The following ZNF350 variants were observed in gnomAD, a reference collection of about 807,000 sequenced individuals.
ZNF350 encodes zinc finger protein 350, also known as KRAB zinc finger protein ZFQR.
In ZNF350, 5 loss-of-function variants were observed where a neutral mutation model predicts 13.1. The observed-to-expected ratio is 0.38, with a 90% CI of 0.20 to 0.80. The LOEUF is 0.80. ZNF350 is among the 30% of genes least tolerant of loss of function. ZNF350 has a pLI of 0.43. For synonymous variants in ZNF350, 199 were observed against 224.2 expected (o/e 0.89, Z 1.00); for missense variants, 534 against 644.2 (o/e 0.83, Z 1.85).
At chr19:51,983,666 A>G (rs1040295181) in intron 1 of ZNF350, among the ~76,000 whole-genome samples, 1 of 152,160 alleles carries the variant, frequency 6.6e-6, no homozygotes, top group Non-Finnish European at 1.5e-5. Flanking sequence ...TATTTATAAC[A>G]CAGAGTCCTT....
intron 1 of ZNF350, among the ~76,000 whole-genome samples, chr19:51,977,545 C>T (rs2085928123): frequency 6.6e-6 from 1 of 152,200 alleles, no homozygotes. Context: ...TGCTGCTTAT[C>T]AGCAGTGTAC....
rs1021727479 is a variant in ZNF350 at position 51,986,806 on chromosome 19, G to T, written c.-208C>A. 6.6e-6 allele frequency: 1 copy of T among 152,186 alleles called. No individual in the cohort carries two copies. Among genetic ancestry groups the T allele is most frequent in the Non-Finnish European group, 1.5e-5 (1 of 68,104 alleles). The allele number at this position is 152,186 out of a possible 1,614,324, so 9.4% of individuals were successfully genotyped here. A position where few individuals can be genotyped will look rare whatever the true frequency, so the allele number is the denominator to read the frequency against. ...CCAGATACACAAGAAGGGCCTCAAC[G>T]TTACACTTCCGTAAACTGCTCCTAC... On this transcript the variant is annotated 5_prime_UTR_variant, in exon 1 of 5. Coordinates refer to ENST00000243644, the MANE Select transcript of ZNF350 (RefSeq NM_021632.4).
chr19:51,966,327 A>G, intron 4 of ZNF350, 113 bp from the exon 5 acceptor site: 2 of 1,118,784 alleles, frequency 1.8e-6, no homozygotes, highest in Admixed American at 3.1e-5. Context: ...TCCGTTGTCC[A>G]GGCTGGAGTG....
intron 2 of ZNF350, among the ~76,000 whole-genome samples, chr19:51,972,736 C>T (rs1280683167): frequency 5.3e-5 from 8 of 151,990 alleles, no homozygotes; most frequent in Non-Finnish European, 1.5e-5. Flanking sequence ...CAAACAGATA[C>T]AGTGACAGGA....
intron 1 of ZNF350, among the ~76,000 whole-genome samples, chr19:51,979,778 A>G (rs1001480751): frequency 6.6e-6 from 1 of 152,220 alleles, no homozygotes; most frequent in African/African-American, 2.4e-5. Flanking sequence ...TTAGATGGAA[A>G]AGGTGAAAGT....
chr19:51,964,876 A>T lies in ZNF350; in HGVS notation c.1577T>A (p.Phe526Tyr). 1 of 1,609,620 alleles carries T rather than the reference A, an allele frequency of 6.2e-7. No individual in the cohort carries two copies. The highest frequency in any genetic ancestry group is 8.5e-7 in the Non-Finnish European group (1 of 1,176,528). ...TTCCTATGGGTTTTCTGTAACATAA[A>T]ATAAGACATAATTGATCACGGAAGG... ...VVPSVINYVL[F>Y]YVTENP The change falls in exon 5 of 5, where the codon TTT (phenylalanine) becomes TAT (tyrosine). Residue 526 changes from phenylalanine (F) to tyrosine (Y), a missense_variant. Transcript: ENST00000243644.
At chr19:51,968,305 G>A (rs73937818) in intron 4 of ZNF350, among the ~76,000 whole-genome samples, 2,214 of 152,210 alleles carry the variant, frequency 0.015, 61 homozygotes, top group African/African-American at 0.051. Flanking sequence ...ATGAAGAAGG[G>A]AAATACTTGA....
intron 1 of ZNF350, chr19:51,980,858 G>A (rs571970757): frequency 9.2e-5 from 14 of 152,310 alleles, no homozygotes; most frequent in South Asian, 4.1e-4. Context: ...ACCTATCTAA[G>A]GCACCACATT....
intron 4 of ZNF350, among the ~76,000 whole-genome samples, chr19:51,966,658 G>GT (rs940251045): frequency 7.7e-6 from 1 of 129,846 alleles, no homozygotes; most frequent in African/African-American, 2.9e-5. Flanking sequence ...TTTTTTTTTT[G>GT]TTTTTTGGGG....
chr19:51,968,856 G>A (rs1007640645), intron 3 of ZNF350, 149 bp downstream of exon 3: 3 of 1,527,468 alleles, frequency 2.0e-6, no homozygotes. Flanking sequence ...TTACAAGAGG[G>A]TAGATTACAC....
chr19:51,969,420 T>G (rs1024508958), intron 2 of ZNF350, among the ~76,000 whole-genome samples: 1 of 152,006 alleles, frequency 6.6e-6, no homozygotes, highest in African/African-American at 2.4e-5. Flanking sequence ...TATGAATATA[T>G]GTACATATAT....
rs779357309 is a variant in ZNF350, at chr19:51,966,019, T to G, written c.434A>C (p.Gln145Pro). Reference sequence around the variant, plus strand: ...GTTCTTTATTTCATAGCCTTTGCTCTGGTTAACTAAAGTTAAATTGGATTT... The same window carrying G: ...GTTCTTTATTTCATAGCCTTTGCTCGGGTTAACTAAAGTTAAATTGGATTT... ...SLKSNLTLVN[Q>P]SKGYEIKNSV... is the part of the protein sequence containing the mutation. Residue 145 changes from glutamine (Q) to proline (P), a missense_variant, in exon 5 of 5, where the codon CAG becomes CCG. By Grantham distance (76) the Gln-to-Pro change is moderately conservative. Coordinates refer to ENST00000243644, the MANE Select transcript of ZNF350 (RefSeq NM_021632.4). 4 of 1,614,042 alleles carry G rather than the reference T, an allele frequency of 2.5e-6. No homozygotes were observed. The highest frequency in any genetic ancestry group is 1.7e-5 in the Admixed American group (1 of 60,000).
At position 51,969,917 on chromosome 19, in the gene ZNF350, G is replaced by C. The variant is rs2085686543; in HGVS notation, c.16-786C>G. On this transcript the variant is annotated intron_variant, in intron 2 of 4. Coordinates refer to ENST00000243644, the MANE Select transcript of ZNF350 (RefSeq NM_021632.4). ...TATACATTTCTGTTTTTTTGAAATG[G>C]AGACTCACTCTCTTTCCCAGGCTGG... Among the ~76,000 whole-genome samples, 3 of 152,220 alleles carry C rather than the reference G, an allele frequency of 2.0e-5. No homozygotes were observed. In the South Asian group the frequency reaches 6.2e-4, roughly 32 times the overall value.
chr19:51,977,475 G>A (rs2085925002), intron 1 of ZNF350, among the ~76,000 whole-genome samples: 1 of 152,226 alleles, frequency 6.6e-6, no homozygotes, highest in Admixed American at 6.5e-5. Flanking sequence ...ACATTACAGA[G>A]GATATGCTGT....
rs1486012408 is a variant in ZNF350 at position 51,976,486 on chromosome 19, G to C, written c.-171-1955C>G. On this transcript the variant is annotated intron_variant, in intron 1 of 4. Transcript: ENST00000243644. This position sits in a 1 kb window ranked among gnomAD's most constrained non-coding sequence, Gnocchi z 4.5. ...TCCAAACATGGGACTTCAAGGACGT[G>C]AATGAAGAAGGTCTGCTGGAGCAGA... 6.6e-6 allele frequency: 1 copy of C among 152,420 alleles called. No homozygotes were observed. Among genetic ancestry groups the C allele is most frequent in the Non-Finnish European group, 1.5e-5 (1 of 68,218 alleles). 9.4% of individuals were successfully genotyped at this position (152,420 alleles called of 1,614,324 possible). A position where few individuals can be genotyped will look rare whatever the true frequency, so the allele number is the denominator to read the frequency against.
rs1254535872 is a variant in ZNF350, at chr19:51,964,521, T to A, written c.*333A>T. 6.1e-6 allele frequency: 2 copies of A among 327,830 alleles called. No homozygotes were observed. Among genetic ancestry groups the A allele is most frequent in the African/African-American group, 4.3e-5 (2 of 46,920 alleles). The allele number at this position is 327,830 out of a possible 1,614,324, so 20.3% of individuals were successfully genotyped here. On this transcript the variant is annotated 3_prime_UTR_variant, in exon 5 of 5. Coordinates refer to ENST00000243644, the MANE Select transcript of ZNF350 (RefSeq NM_021632.4). ...TTCCACCATTACAGTATTAGCCCTT[T>A]CCCACCAACTGCCCCTTATGAAGCT...
chr19:51,975,797 A>G (rs377704317), intron 1 of ZNF350, among the ~76,000 whole-genome samples: 7 of 152,292 alleles, frequency 4.6e-5, no homozygotes, highest in South Asian at 2.1e-4. Context: ...CTGGAGTGCA[A>G]TGGTGTGATC....
At chr19:51,966,306 T>C (rs2085569376) in intron 4 of ZNF350, 92 bp from the exon 5 acceptor site, 5 of 1,347,192 alleles carry the variant, frequency 3.7e-6, no homozygotes, top group South Asian at 3.1e-5. Flanking sequence ...TTTTTTAAGA[T>C]GGAGTTTTAC....
Position 51,975,732 on chromosome 19 carries a change from G to C in ZNF350, c.-171-1201C>G, listed in dbSNP as rs2085875032. Among the ~76,000 whole-genome samples, 6 of 152,026 alleles carry C rather than the reference G, an allele frequency of 3.9e-5. No individual in the cohort carries two copies. In the South Asian group the frequency reaches 1.2e-3, roughly 32 times the overall value. Reference sequence around the variant, plus strand: ...AAAATTAAAATCCAATAACATCTGGGGTTTATTTTATTTTATTTTAATTTT... The same window carrying C: ...AAAATTAAAATCCAATAACATCTGGCGTTTATTTTATTTTATTTTAATTTT... On this transcript the variant is annotated intron_variant, in intron 1 of 4. Transcript: ENST00000243644.
Sources: allele counts gnomAD v4.1 joint callset (sites outside exome capture counted in the v4.1 genomes callset), GRCh38; gene constraint gnomAD v4.1.1; non-coding constraint Gnocchi (gnomAD v3.1); transcripts MANE v1.5; gene names NCBI Gene and HGNC (gene_info 2026-07-23, HGNC 2026-07-21).